The following OSBPL9 variants were observed in gnomAD, a reference collection of about 807,000 sequenced individuals.
OSBPL9 encodes the protein oxysterol binding protein like 9.
In OSBPL9, 40 loss-of-function variants were observed where a neutral mutation model predicts 106.6. The observed-to-expected ratio is 0.38, with a 90% CI of 0.29 to 0.49. The LOEUF is 0.49. OSBPL9 is among the 20% of genes least tolerant of loss of function. The pLI is 0.97. For missense variants in OSBPL9, 609 were observed against 887.2 expected (o/e 0.69, Z 3.98); for synonymous variants, 269 against 295.4 (o/e 0.91, Z 0.92).
At chr1:51,545,989 G>A in the OSBPL9 span, among the ~76,000 whole-genome samples, 2 of 152,090 alleles carry the variant, frequency 1.3e-5, no homozygotes, top group African/African-American at 4.8e-5. Flanking sequence ...TGACTGAAAA[G>A]GAAAGGCAAA....
chr1:51,580,072 C>T (rs995391920), intron 1 of OSBPL9, among the ~76,000 whole-genome samples: 6 of 152,082 alleles, frequency 3.9e-5, no homozygotes, highest in Admixed American at 3.9e-4. Context: ...AGACCTACAT[C>T]CCTGCTTACC....
At chr1:51,669,361 C>G in intron 2 of OSBPL9, 73 bp from the exon 3 acceptor site, 1 of 1,275,662 alleles carries the variant, frequency 7.8e-7, no homozygotes, top group South Asian at 1.3e-5. Context: ...TTGAGTATTC[C>G]AGGGCTATAG....
intron 1 of OSBPL9, among the ~76,000 whole-genome samples, chr1:51,596,086 A>G (rs771674381): frequency 3.1e-4 from 47 of 151,586 alleles, no homozygotes; most frequent in Non-Finnish European, 5.7e-4. Flanking sequence ...GTGAAACCCC[A>G]TCTCTACTAA....
At chr1:51,640,500 CTAAT>C (rs1340617572) in intron 1 of OSBPL9, among the ~76,000 whole-genome samples, 1 of 152,098 alleles carries the variant, frequency 6.6e-6, no homozygotes, top group African/African-American at 2.4e-5. Context: ...TTATTAATCT[CTAAT>C]TGTTTTATTG....
chr1:51,622,012 A>ATG (rs539252016), intron 1 of OSBPL9, among the ~76,000 whole-genome samples: 40 of 152,074 alleles, frequency 2.6e-4, no homozygotes, highest in Non-Finnish European at 2.6e-4. Flanking sequence ...TTCAGGTGAA[A>ATG]TGTGTGTTTT....
intron 4 of OSBPL9, chr1:51,745,059 A>G (rs1458283640): frequency 6.4e-6 from 1 of 155,078 alleles, no homozygotes; most frequent in Non-Finnish European, 1.4e-5. Flanking sequence ...GGGAGGAGGG[A>G]GGAAAACTTC....
At chr1:51,519,200 T>C in the OSBPL9 span, 3 of 1,419,860 alleles carry the variant, frequency 2.1e-6, no homozygotes, top group South Asian at 4.6e-5. Context: ...TGGCGTTACC[T>C]GTGTCAGAGA....
the OSBPL9 span, among the ~76,000 whole-genome samples, chr1:51,527,927 A>C: frequency 1.3e-5 from 2 of 150,072 alleles, no homozygotes; most frequent in African/African-American, 4.9e-5. Flanking sequence ...AGCCTGGCCA[A>C]CATGGCAAAA....
At chr1:51,546,371 A>G in the OSBPL9 span, among the ~76,000 whole-genome samples, 2 of 152,148 alleles carry the variant, frequency 1.3e-5, no homozygotes, top group East Asian at 3.9e-4. Context: ...ATTTCTGTTC[A>G]ACAAAGAAGA....
chr1:51,610,960 G>A (rs1008388330), intron 2 of OSBPL9, among the ~76,000 whole-genome samples: 2 of 152,172 alleles, frequency 1.3e-5, no homozygotes, highest in African/African-American at 2.4e-5. Flanking sequence ...GTTTGTTCAG[G>A]GTGTAGATGG....
At chr1:51,714,395 A>G (rs1381619264) in intron 4 of OSBPL9, among the ~76,000 whole-genome samples, 1 of 152,194 alleles carries the variant, frequency 6.6e-6, no homozygotes, top group Non-Finnish European at 1.5e-5. Flanking sequence ...ATACAACCAA[A>G]TTACATAATT....
chr1:51,757,020 T>A (rs1157216533), intron 9 of OSBPL9: 3 of 152,298 alleles, frequency 2.0e-5, no homozygotes, highest in East Asian at 3.9e-4. Context: ...CTTACCCTAG[T>A]TTTATGGTAA....
chr1:51,780,732 T>C (rs1212911024), intron 15 of OSBPL9, among the ~76,000 whole-genome samples: 3 of 151,582 alleles, frequency 2.0e-5, no homozygotes, highest in Non-Finnish European at 2.9e-5. Context: ...GCCACTGCAC[T>C]CCAGCCTGGG....
intron 8 of OSBPL9, chr1:51,752,648 A>G: frequency 4.6e-6 from 2 of 436,322 alleles, no homozygotes; most frequent in Non-Finnish European, 4.6e-6. Context: ...CAAGATCAAC[A>G]TTCTGGCCTG....
intron 1 of OSBPL9, among the ~76,000 whole-genome samples, chr1:51,646,171 G>A (rs748347934): frequency 2.6e-5 from 4 of 152,132 alleles, no homozygotes; most frequent in Non-Finnish European, 4.4e-5. Context: ...TTAGGATTTT[G>A]ATAGGTATTA....
At chr1:51,617,088 T>C (rs745924334), upstream of OSBPL9, 2 of 1,598,914 alleles carry the variant, frequency 1.3e-6, no homozygotes, top group African/African-American at 2.7e-5. Context: ...TCAGGCCGTT[T>C]GTTGTCATTG....
the OSBPL9 span, chr1:51,519,105 G>C: frequency 1.6e-5 from 14 of 858,406 alleles, no homozygotes; most frequent in Non-Finnish European, 2.4e-5. Flanking sequence ...GAAGCTGCCT[G>C]CTTGGCCCAC....
At chr1:51,612,523 A>G (rs566261392), upstream of OSBPL9, among the ~76,000 whole-genome samples, 2 of 152,348 alleles carry the variant, frequency 1.3e-5, no homozygotes, top group South Asian at 4.1e-4. Context: ...ATGTGTCTCC[A>G]CCACGTGTAA....
chr1:51,528,039 T>C, the OSBPL9 span, among the ~76,000 whole-genome samples: 1 of 150,490 alleles, frequency 6.6e-6, no homozygotes, highest in African/African-American at 2.4e-5. Flanking sequence ...CACGAGAATC[T>C]CTTGAACCTA....
Sources: allele counts gnomAD v4.1 joint callset (sites outside exome capture counted in the v4.1 genomes callset), GRCh38; gene constraint gnomAD v4.1.1; transcripts MANE v1.5; gene names NCBI Gene and HGNC (gene_info 2026-07-23, HGNC 2026-07-21).